The following EXT1 variants were observed in gnomAD, a reference collection of about 807,000 sequenced individuals.
EXT1 encodes the protein exostosin-1.
EXT1 carries 20 observed loss-of-function variants against 82.5 expected under a neutral mutation model. That is an observed-to-expected ratio of 0.24 (90% CI 0.17 to 0.35). The LOEUF (loss-of-function observed/expected upper bound fraction) is 0.35, where lower values mean the gene tolerates loss of function less well. Among genes scored for constraint, EXT1 ranks in the 10% least tolerant of loss-of-function variants. The pLI is 1.00. For missense variants in EXT1, 757 were observed against 936.5 expected (o/e 0.81, Z 2.50); for synonymous variants, 348 against 350.8 (o/e 0.99, Z 0.09).
At chr8:117,962,996 G>A (rs1350192651) in intron 1 of EXT1, among the ~76,000 whole-genome samples, 2 of 152,126 alleles carry the variant, frequency 1.3e-5, no homozygotes, top group Admixed American at 1.3e-4. Context: ...GTGTTCCAAG[G>A]TAGGAAACTG....
chr8:117,860,750 T>C (rs375015624), intron 1 of EXT1, among the ~76,000 whole-genome samples: 14 of 152,290 alleles, frequency 9.2e-5, no homozygotes, highest in East Asian at 3.9e-4. Context: ...AATGGGAAGA[T>C]TTGGCAGCAC....
intron 1 of EXT1, among the ~76,000 whole-genome samples, chr8:117,979,818 T>G (rs896670723): frequency 6.6e-6 from 1 of 152,216 alleles, no homozygotes; most frequent in Non-Finnish European, 1.5e-5. Flanking sequence ...CAGCATTTAT[T>G]TGGACCATTG....
intron 1 of EXT1, among the ~76,000 whole-genome samples, chr8:118,105,549 G>C (rs1817791478): frequency 2.0e-5 from 3 of 152,166 alleles, no homozygotes; most frequent in South Asian, 4.1e-4. Flanking sequence ...TCTCCAGAAA[G>C]CAGGTTTAGA....
chr8:117,847,627 G>A (rs1056228786), intron 1 of EXT1, among the ~76,000 whole-genome samples: 1 of 152,078 alleles, frequency 6.6e-6, no homozygotes, highest in Non-Finnish European at 1.5e-5. Flanking sequence ...GACAAACCCT[G>A]CACCAGTCCA....
At chr8:118,059,844 T>C (rs1437947300) in intron 1 of EXT1, among the ~76,000 whole-genome samples, 2 of 152,222 alleles carry the variant, frequency 1.3e-5, no homozygotes, top group African/African-American at 4.8e-5. Flanking sequence ...ATAAATAGGA[T>C]AATACAGAGA....
At chr8:117,908,080 A>C (rs1813575596) in intron 1 of EXT1, among the ~76,000 whole-genome samples, 1 of 152,258 alleles carries the variant, frequency 6.6e-6, no homozygotes, top group African/African-American at 2.4e-5. Flanking sequence ...TTAGCCAAAC[A>C]TTAAAGTTTC....
Position 117,861,921 on chromosome 8 carries a change from G to A in EXT1, c.963-24720C>T, listed in dbSNP as rs1812694158. Among the ~76,000 whole-genome samples, 2 of 145,550 alleles carry A rather than the reference G, an allele frequency of 1.4e-5. 1 individual carries two copies. Among genetic ancestry groups the A allele is most frequent in the Non-Finnish European group, 3.1e-5 (2 of 64,810 alleles). ...ATGATGCAAATCTGGTGAACATAATGCACACAGGGGACAAACCAAACGGTG... is the reference window on the plus strand; with the variant it reads ...ATGATGCAAATCTGGTGAACATAATACACACAGGGGACAAACCAAACGGTG... On this transcript the variant is annotated intron_variant, in intron 1 of 10. Transcript: ENST00000378204.
Position 117,795,287 on chromosome 8 carries a change from T to A in EXT1, c.*4425A>T, listed in dbSNP as rs1823073730. 1 of 152,078 alleles carries A rather than the reference T, an allele frequency of 6.6e-6. No homozygotes were observed. Among genetic ancestry groups the A allele is most frequent in the South Asian group, 2.1e-4 (1 of 4,826 alleles). 9.4% of individuals were successfully genotyped at this position (152,078 alleles called of 1,614,324 possible). Reference sequence around the variant, plus strand: ...AACTCTAGACCAGTGACAACTACAATCCCTACTAGGTAAAACTCATGGAGA... The same window carrying A: ...AACTCTAGACCAGTGACAACTACAAACCCTACTAGGTAAAACTCATGGAGA... On this transcript the variant is annotated 3_prime_UTR_variant, in exon 11 of 11. Coordinates refer to ENST00000378204, the MANE Select transcript of EXT1 (RefSeq NM_000127.3).
chr8:117,860,146 C>CAAAAAAAA (rs34399339), intron 1 of EXT1, among the ~76,000 whole-genome samples: 1 of 76,896 alleles, frequency 1.3e-5, no homozygotes. Flanking sequence ...GATTCTATCT[C>CAAAAAAAA]AAAAAAAAAA....
chr8:117,942,506 G>A (rs973542450), intron 1 of EXT1, among the ~76,000 whole-genome samples: 1 of 152,120 alleles, frequency 6.6e-6, no homozygotes, highest in African/African-American at 2.4e-5. Context: ...GAGGTCGGGA[G>A]TTCCAGACCA....
intron 1 of EXT1, among the ~76,000 whole-genome samples, chr8:118,089,629 G>A (rs1193937558): frequency 1.3e-5 from 2 of 152,124 alleles, no homozygotes; most frequent in Non-Finnish European, 2.9e-5. Flanking sequence ...TATTACTTTT[G>A]CAATCTAGAT....
At chr8:117,987,374 G>A (rs1815344189) in intron 1 of EXT1, among the ~76,000 whole-genome samples, 1 of 152,182 alleles carries the variant, frequency 6.6e-6, no homozygotes, top group Non-Finnish European at 1.5e-5. Context: ...CAGATCAATG[G>A]CAAGGGTTGG....
intron 1 of EXT1, among the ~76,000 whole-genome samples, chr8:118,033,623 T>A (rs529326426): frequency 1.3e-5 from 2 of 152,242 alleles, no homozygotes; most frequent in African/African-American, 4.8e-5. Context: ...GAACTACAGG[T>A]GTGCACCACC....
intron 1 of EXT1, among the ~76,000 whole-genome samples, chr8:118,109,443 ATG>A (rs1423793908): frequency 1.3e-3 from 36 of 27,656 alleles, no homozygotes; most frequent in Non-Finnish European, 3.5e-3. Context: ...GAATGAATGA[ATG>A]CATGCATGCA....
chr8:117,937,844 A>C (rs1814196813), intron 1 of EXT1, among the ~76,000 whole-genome samples: 1 of 152,230 alleles, frequency 6.6e-6, no homozygotes, highest in Non-Finnish European at 1.5e-5. Flanking sequence ...AACAGGGCCT[A>C]ATTATGACAA....
intron 1 of EXT1, among the ~76,000 whole-genome samples, chr8:118,071,035 C>T (rs150079932): frequency 2.7e-4 from 41 of 152,256 alleles, no homozygotes; most frequent in African/African-American, 9.9e-4. Flanking sequence ...AACAGCCTCT[C>T]ATTTCTATCA....
chr8:117,982,117 G>A (rs1317324071), intron 1 of EXT1, among the ~76,000 whole-genome samples: 1 of 152,120 alleles, frequency 6.6e-6, no homozygotes, highest in East Asian at 1.9e-4. Flanking sequence ...CACAAGTCTG[G>A]GGACATAGTG....
At chr8:117,895,254 T>C (rs1035655949) in intron 1 of EXT1, among the ~76,000 whole-genome samples, 11 of 152,180 alleles carry the variant, frequency 7.2e-5, no homozygotes, top group African/African-American at 2.4e-4. Flanking sequence ...AATCCAAAAA[T>C]ATCAAGCGTT....
At chr8:117,865,381 G>A (rs993793929) in intron 1 of EXT1, among the ~76,000 whole-genome samples, 2 of 152,148 alleles carry the variant, frequency 1.3e-5, no homozygotes, top group African/African-American at 4.8e-5. Flanking sequence ...ATGTTGCCCA[G>A]GCTGGTCTCC....
Sources: gnomAD v4.1 joint callset for allele counts (sites outside exome capture counted in the v4.1 genomes callset) on GRCh38, gnomAD v4.1.1 for gene constraint, MANE v1.5 for transcripts, NCBI Gene and HGNC (gene_info 2026-07-23, HGNC 2026-07-21) for gene names.